The following DYRK1A variants were observed in gnomAD, a reference collection of about 807,000 sequenced individuals.
The protein encoded by DYRK1A is dual specificity tyrosine-phosphorylation-regulated kinase 1A.
Under a neutral mutation model 79.7 loss-of-function variants are expected in DYRK1A, and 9 were observed. The observed-to-expected ratio is 0.11, with a 90% confidence interval of 0.07 to 0.20. The LOEUF (loss-of-function observed/expected upper bound fraction) is 0.20. DYRK1A is among the 10% of genes least tolerant of loss of function. The probability of loss-of-function intolerance (pLI) is 1.00; values close to 1 mark genes in which losing one functional copy is unlikely to be tolerated. For missense variants in DYRK1A, 622 were observed against 956.0 expected, an observed-to-expected ratio of 0.65 and a Z score of 4.61; for synonymous variants, 349 against 329.7, an observed-to-expected ratio of 1.06 and a Z score of -0.63.
chr21:37,478,230 G>A lies in DYRK1A; in HGVS notation c.230G>A (p.Arg77His), dbSNP rs2052471308. 1 of 1,614,094 alleles carries A rather than the reference G, an allele frequency of 6.2e-7. No individual in the cohort carries two copies. The highest frequency in any genetic ancestry group is 8.5e-7 in the Non-Finnish European group (1 of 1,179,980). ...CAGAGGCGGATGCCCCAAACCTTCC[G>A]TGACCCAGCAACTGCTCCCCTGAGA... ...TNQRRMPQTF[R>H]DPATAPLRKL... The change falls in exon 4 of 12, where the codon CGT becomes CAT. Residue 77 changes from arginine (R) to histidine (H), a missense_variant. By Grantham distance (29) the Arg-to-His change is conservative. Transcript: ENST00000647188.
intron 1 of DYRK1A, among the ~76,000 whole-genome samples, chr21:37,394,038 A>T (rs2049916448): frequency 6.6e-6 from 1 of 152,138 alleles, no homozygotes; most frequent in South Asian, 2.1e-4. Flanking sequence ...TGGGGTGGGG[A>T]TTGTACAAGG....
At chr21:37,412,706 A>G (rs543042225) in intron 1 of DYRK1A, among the ~76,000 whole-genome samples, 144 of 152,326 alleles carry the variant, frequency 9.5e-4, no homozygotes, top group Middle Eastern at 3.4e-3. Flanking sequence ...CCATTTAGAT[A>G]AAGTCAGCAG....
chr21:37,511,217 C>T (rs912134278), intron 11 of DYRK1A, among the ~76,000 whole-genome samples: 4 of 152,066 alleles, frequency 2.6e-5, no homozygotes, highest in African/African-American at 9.7e-5. Context: ...TGATGCAGAT[C>T]GTTGTATCCA....
chr21:37,464,223 G>T, intron 2 of DYRK1A: 1 of 458,474 alleles, frequency 2.2e-6, no homozygotes, highest in East Asian at 6.4e-5. Flanking sequence ...TGAATCTTAT[G>T]TCCCAGTCTT....
At chr21:37,396,301 C>T (rs140158487) in intron 1 of DYRK1A, among the ~76,000 whole-genome samples, 91 of 151,842 alleles carry the variant, frequency 6.0e-4, no homozygotes, top group African/African-American at 2.0e-3. Context: ...AGAAAATTTT[C>T]AAAATGAGTT....
intron 1 of DYRK1A, among the ~76,000 whole-genome samples, chr21:37,373,144 C>T (rs2049466571): frequency 6.6e-6 from 1 of 151,540 alleles, no homozygotes; most frequent in Non-Finnish European, 1.5e-5. Flanking sequence ...TTAGCCATGT[C>T]ATCTTGGGCA....
chr21:37,409,676 AAG>A (rs1184954743), intron 1 of DYRK1A, among the ~76,000 whole-genome samples: 5 of 152,200 alleles, frequency 3.3e-5, no homozygotes, highest in Non-Finnish European at 7.3e-5. Flanking sequence ...ATACATTGAG[AAG>A]TATAATAAAT....
Position 37,513,360 on chromosome 21 carries a change from T to C in DYRK1A, c.*829T>C, listed in dbSNP as rs1182138518. 1 of 152,686 alleles carries C rather than the reference T, an allele frequency of 6.5e-6. No individual in the cohort carries two copies. The highest frequency in any genetic ancestry group is 1.9e-4 in the East Asian group (1 of 5,200). The allele number at this position is 152,686 out of a possible 1,614,324, so 9.5% of individuals were successfully genotyped here. On this transcript the variant is annotated 3_prime_UTR_variant, in exon 12 of 12. Transcript: ENST00000647188. The stretch of plus-strand genomic sequence containing the variant: ...TGAGTGGTGGTCTTTGGGATAACCT[T>C]TGGCCTTATGGATTTGGACTCGAAA...
intron 2 of DYRK1A, among the ~76,000 whole-genome samples, chr21:37,452,390 G>A (rs1409611554): frequency 2.6e-5 from 4 of 152,054 alleles, no homozygotes; most frequent in South Asian, 2.1e-4. Context: ...AAGTAAGAGA[G>A]CGAATAAGAT....
intron 1 of DYRK1A, among the ~76,000 whole-genome samples, chr21:37,404,957 A>G (rs1378095649): frequency 6.6e-6 from 1 of 152,192 alleles, no homozygotes; most frequent in Non-Finnish European, 1.5e-5. Flanking sequence ...CAGTATAAGC[A>G]AGTATCCAGC....
intron 2 of DYRK1A, among the ~76,000 whole-genome samples, chr21:37,462,505 G>A (rs1293331153): frequency 6.6e-6 from 1 of 152,188 alleles, no homozygotes; most frequent in Non-Finnish European, 1.5e-5. Context: ...ACAGTCTTGT[G>A]TGAATTTTAG....
Position 37,493,069 on chromosome 21 carries a change from G to C in DYRK1A, c.977G>C (p.Gly326Ala). Residue 326 changes from glycine (G) to alanine (A), a missense_variant, in exon 8 of 12, where the codon GGA (glycine) becomes GCA (alanine). Gly to Ala is a moderately conservative substitution (Grantham distance 60, BLOSUM62 0). Transcript: ENST00000647188. ...TATCGGTCTCCAGAGGTGCTACTGG[G>C]AATGCCTTATGACCTTGCCATTGAT... is the stretch of plus-strand genomic sequence containing the variant. ...RFYRSPEVLL[G>A]MPYDLAIDMW... The C allele has an allele frequency of 6.2e-7, 1 of 1,613,508 alleles. No individual in the cohort carries two copies. The highest frequency in any genetic ancestry group is 2.2e-5 in the East Asian group (1 of 44,854).
In DYRK1A at chr21:37,491,458, T is replaced by A. The variant is rs149096533; in HGVS notation, c.924+997T>A. On this transcript the variant is annotated intron_variant, in intron 7 of 11. Coordinates refer to ENST00000647188, the MANE Select transcript of DYRK1A (RefSeq NM_001347721.2). ...TTTTTCTTACTGACTTTTCTGTTTC[T>A]TATTTTTCCAAATTAGTGAAATTTT... 7.0e-3 allele frequency among the ~76,000 whole-genome samples: 1,070 copies of A among 152,334 alleles called. 13 individuals are homozygous for A. The highest frequency in any genetic ancestry group is 0.025 in the African/African-American group (1,027 of 41,588).
At chr21:37,421,460 C>T (rs747573637) in intron 2 of DYRK1A, among the ~76,000 whole-genome samples, 19 of 152,158 alleles carry the variant, frequency 1.2e-4, no homozygotes, top group East Asian at 3.9e-4. Flanking sequence ...TAATACTTCA[C>T]GTTCATGTAG....
chr21:37,461,086 T>C (rs1232145246), intron 2 of DYRK1A, among the ~76,000 whole-genome samples: 1 of 152,178 alleles, frequency 6.6e-6, no homozygotes, highest in Admixed American at 6.5e-5. Context: ...TAAGTAAGAT[T>C]TTCTGTTATT....
chr21:37,438,293 G>A (rs1338816178), intron 2 of DYRK1A, among the ~76,000 whole-genome samples: 1 of 151,942 alleles, frequency 6.6e-6, no homozygotes, highest in African/African-American at 2.4e-5. Flanking sequence ...AAAGTGTCTT[G>A]AAGATCTGAT....
At chr21:37,403,749 C>T (rs1226036008) in intron 1 of DYRK1A, among the ~76,000 whole-genome samples, 1 of 150,306 alleles carries the variant, frequency 6.7e-6, no homozygotes, top group Non-Finnish European at 1.5e-5. Flanking sequence ...CTGCCTTAGC[C>T]TCCCAAACCA....
At chr21:37,484,531 G>A (rs958670921) in intron 5 of DYRK1A, among the ~76,000 whole-genome samples, 1 of 152,016 alleles carries the variant, frequency 6.6e-6, no homozygotes, top group Non-Finnish European at 1.5e-5. Flanking sequence ...ATTTCACCAC[G>A]TTGGTCAGGC....
intron 1 of DYRK1A, among the ~76,000 whole-genome samples, chr21:37,368,346 C>T (rs1001714574): frequency 6.6e-6 from 1 of 152,218 alleles, no homozygotes; most frequent in Non-Finnish European, 1.5e-5. Context: ...TATTTATAGG[C>T]ACAAACCCAC....
Sources: gnomAD v4.1 joint callset for allele counts (sites outside exome capture counted in the v4.1 genomes callset) on GRCh38, gnomAD v4.1.1 for gene constraint, MANE v1.5 for transcripts, NCBI Gene and HGNC (gene_info 2026-07-23, HGNC 2026-07-21) for gene names.